NCKAP5: variants seen among roughly 807,000 people sequenced by gnomAD.
The protein encoded by NCKAP5 is nck-associated protein 5.
In NCKAP5, 92 loss-of-function variants were observed where a neutral mutation model predicts 167.0. That is an observed-to-expected ratio of 0.55 (90% CI 0.47 to 0.66). The LOEUF (loss-of-function observed/expected upper bound fraction) is 0.66. Among genes scored for constraint, NCKAP5 ranks in the 30% least tolerant of loss-of-function variants. The pLI, the probability that NCKAP5 is intolerant of heterozygous loss-of-function variation, is 0.00. For synonymous variants in NCKAP5, 891 were observed against 877.4 expected (o/e 1.02, Z -0.27); for missense variants, 2,378 against 2,315.0 (o/e 1.03, Z -0.56).
intron 8 of NCKAP5, among the ~76,000 whole-genome samples, chr2:132,904,828 G>C: frequency 6.6e-6 from 1 of 152,080 alleles, no homozygotes; most frequent in Non-Finnish European, 1.5e-5. Context: ...CAAGCTTCCT[G>C]TCACAATGTT....
At position 133,332,161 on chromosome 2, in the gene NCKAP5, C is replaced by T. The variant is rs533455065; in HGVS notation, c.70-29051G>A. On this transcript the variant is annotated intron_variant, in intron 3 of 19. Transcript: ENST00000409261. ...AGGACATCTCAATTGTTTTTCTAAGCTTCAGAGTCAAGTGCCTTGACAAAA... is the reference window on the plus strand; with the variant it reads ...AGGACATCTCAATTGTTTTTCTAAGTTTCAGAGTCAAGTGCCTTGACAAAA... Among the ~76,000 whole-genome samples, 158 of 152,226 alleles carry T rather than the reference C, an allele frequency of 1.0e-3. 2 individuals carry two copies. Among genetic ancestry groups the T allele is most frequent in the African/African-American group, 3.6e-3 (148 of 41,534 alleles).
At chr2:132,772,986 C>T (rs764381398) in intron 16 of NCKAP5, among the ~76,000 whole-genome samples, 5 of 152,174 alleles carry the variant, frequency 3.3e-5, no homozygotes, top group Non-Finnish European at 7.3e-5. Flanking sequence ...GTGGGGCCGT[C>T]ATATACTGGA....
chr2:133,594,769 A>T, the NCKAP5 span, among the ~76,000 whole-genome samples: 1 of 152,258 alleles, frequency 6.6e-6, no homozygotes, highest in African/African-American at 2.4e-5. Context: ...GGAGTGAAAA[A>T]CAATATAGTT....
chr2:133,359,705 T>C (rs556822364), intron 3 of NCKAP5, among the ~76,000 whole-genome samples: 1 of 152,348 alleles, frequency 6.6e-6, no homozygotes, highest in East Asian at 1.9e-4. Context: ...CCAGCTGAAC[T>C]CTTGCCTGAA....
At chr2:132,945,218 T>G (rs1215337143) in intron 8 of NCKAP5, among the ~76,000 whole-genome samples, 2 of 150,800 alleles carry the variant, frequency 1.3e-5, no homozygotes, top group South Asian at 2.1e-4. Flanking sequence ...AGGAGCTACC[T>G]GAAATTTCTT....
chr2:132,888,416 G>A (rs1197857137), intron 8 of NCKAP5, among the ~76,000 whole-genome samples: 1 of 151,804 alleles, frequency 6.6e-6, no homozygotes. Context: ...TTTTGAGACA[G>A]GGTCTCTTGC....
intron 3 of NCKAP5, among the ~76,000 whole-genome samples, chr2:133,308,689 CTTTTTTTTTTTTTTT>C (rs35760716): frequency 1.0e-4 from 6 of 59,256 alleles, no homozygotes; most frequent in South Asian, 6.6e-4. Context: ...AAATACAATT[CTTTTTTTTTTTTTTT>C]TTTTTTTTTT....
the NCKAP5 span, among the ~76,000 whole-genome samples, chr2:133,598,817 T>A: frequency 6.6e-6 from 1 of 152,160 alleles, no homozygotes; most frequent in Non-Finnish European, 1.5e-5. Context: ...AACAGAAATT[T>A]ATTCCCTCAC....
At chr2:133,174,018 A>G (rs2084355763) in intron 5 of NCKAP5, among the ~76,000 whole-genome samples, 1 of 152,176 alleles carries the variant, frequency 6.6e-6, no homozygotes, top group Admixed American at 6.5e-5. Context: ...CTGGTACAAT[A>G]CCATTAACTG....
chr2:133,429,636 A>C (rs568605486), intron 3 of NCKAP5, among the ~76,000 whole-genome samples: 1 of 152,276 alleles, frequency 6.6e-6, no homozygotes, highest in African/African-American at 2.4e-5. Context: ...TGTTGCTACA[A>C]GGGACATAAT....
chr2:133,546,394 G>T (rs1197315568), intron 2 of NCKAP5, among the ~76,000 whole-genome samples: 1 of 152,210 alleles, frequency 6.6e-6, no homozygotes, highest in Admixed American at 6.5e-5. Flanking sequence ...CACAATGACT[G>T]CCTCTGTGGA....
chr2:133,455,950 G>A (rs1340816027), intron 3 of NCKAP5, among the ~76,000 whole-genome samples: 3 of 152,172 alleles, frequency 2.0e-5, no homozygotes, highest in African/African-American at 7.2e-5. Flanking sequence ...CACAGGAGCT[G>A]GGAAGCAGCT....
intron 3 of NCKAP5, among the ~76,000 whole-genome samples, chr2:133,311,724 C>T (rs1048138482): frequency 7.2e-5 from 11 of 152,018 alleles, no homozygotes; most frequent in Admixed American, 5.2e-4. Flanking sequence ...AAATAAGAAA[C>T]GTTTTAGGAT....
chr2:133,300,671 C>T (rs1412617754), intron 4 of NCKAP5, among the ~76,000 whole-genome samples: 1 of 117,882 alleles, frequency 8.5e-6, no homozygotes, highest in Non-Finnish European at 1.7e-5. Flanking sequence ...CAGCCAATAT[C>T]ATACTGAATG....
chr2:132,914,257 G>A (rs770321162), intron 8 of NCKAP5, among the ~76,000 whole-genome samples: 24 of 152,032 alleles, frequency 1.6e-4, no homozygotes, highest in Admixed American at 1.3e-3. Flanking sequence ...AGCCTAATTC[G>A]TGTGCAAAGA....
chr2:133,173,388 A>G (rs114197540), intron 5 of NCKAP5, among the ~76,000 whole-genome samples: 65 of 152,300 alleles, frequency 4.3e-4, no homozygotes, highest in African/African-American at 1.5e-3. Context: ...ACTTTTATCA[A>G]TGAAGCCCTG....
intron 4 of NCKAP5, among the ~76,000 whole-genome samples, chr2:133,298,563 C>T (rs1680126504): frequency 6.6e-6 from 1 of 152,104 alleles, no homozygotes; most frequent in Admixed American, 6.5e-5. Context: ...TAGCCCTTTC[C>T]ATGCAGGTTG....
At position 133,517,550 on chromosome 2, in the gene NCKAP5, T is replaced by C. The variant is rs761677469; in HGVS notation, c.-24A>G. 6 of 1,476,216 alleles carry C rather than the reference T, an allele frequency of 4.1e-6. No homozygotes were observed. The South Asian group carries it at 7.9e-5, about 19-fold the overall frequency. The allele number at this position is 1,476,216 out of a possible 1,614,324, so 91.4% of individuals were successfully genotyped here. A position where few individuals can be genotyped will look rare whatever the true frequency, so the allele number is the denominator to read the frequency against. On this transcript the variant is annotated 5_prime_UTR_variant, in exon 3 of 20. Transcript: ENST00000409261. ...ATGGATGAAGTTATTTATTTTCTTT[T>C]GTGACTTATAAGAATCCCCCGTCTG... is the stretch of plus-strand genomic sequence containing the variant.
At chr2:133,414,695 A>G (rs1688994434) in intron 3 of NCKAP5, among the ~76,000 whole-genome samples, 1 of 152,116 alleles carries the variant, frequency 6.6e-6, no homozygotes, top group East Asian at 1.9e-4. Context: ...CATACTCAGG[A>G]GTTGGCATTT....
Sources: allele counts gnomAD v4.1 joint callset (sites outside exome capture counted in the v4.1 genomes callset), GRCh38; gene constraint gnomAD v4.1.1; transcripts MANE v1.5; gene names NCBI Gene and HGNC (gene_info 2026-07-23, HGNC 2026-07-21).